The following STIM2 variants were observed in gnomAD, a reference collection of about 807,000 sequenced individuals.
The protein encoded by STIM2 is stromal interaction molecule 2.
A neutral mutation model predicts 85.8 loss-of-function variants in STIM2; 31 were observed. The ratio of observed to expected loss-of-function variants is 0.36; its 90% CI spans 0.27 to 0.49. The LOEUF is 0.49. STIM2 is among the 20% of genes least tolerant of loss of function. STIM2 has a pLI of 0.98. For missense variants in STIM2, 841 were observed against 927.6 expected, an observed-to-expected ratio of 0.91 and a Z score of 1.21; for synonymous variants, 356 against 331.1, an observed-to-expected ratio of 1.08 and a Z score of -0.82.
intron 3 of STIM2, among the ~76,000 whole-genome samples, chr4:26,980,464 GA>G (rs886329745): frequency 2.2e-3 from 307 of 140,648 alleles, no homozygotes; most frequent in African/African-American, 5.3e-3. Flanking sequence ...TAGGAGCCTG[GA>G]AAAAAAAAAA....
intron 1 of STIM2, among the ~76,000 whole-genome samples, chr4:26,875,988 A>G (rs1722803439): frequency 1.3e-5 from 2 of 152,164 alleles, no homozygotes; most frequent in South Asian, 4.1e-4. Context: ...TTGAAAAACC[A>G]TTTTCGCTTG....
chr4:26,991,341 T>C (rs1018535253), intron 3 of STIM2, among the ~76,000 whole-genome samples: 2 of 151,978 alleles, frequency 1.3e-5, no homozygotes, highest in Admixed American at 6.6e-5. Context: ...AAGACAAATA[T>C]CACACGTTCT....
chr4:26,883,092 G>A (rs190387897), intron 1 of STIM2, among the ~76,000 whole-genome samples: 1 of 149,464 alleles, frequency 6.7e-6, no homozygotes. Context: ...CCGGTGATCC[G>A]CCCACCTTGG....
intron 10 of STIM2, among the ~76,000 whole-genome samples, chr4:27,011,945 C>T (rs1226160476): frequency 6.6e-6 from 1 of 152,000 alleles, no homozygotes; most frequent in Non-Finnish European, 1.5e-5. Flanking sequence ...GTTTGCTCTC[C>T]TTAGAGTTTT....
intron 2 of STIM2, among the ~76,000 whole-genome samples, chr4:26,953,641 G>A (rs1444979402): frequency 6.6e-6 from 1 of 152,008 alleles, no homozygotes; most frequent in Admixed American, 6.6e-5. Flanking sequence ...GTGCAAAACA[G>A]GCCTCCCGAG....
chr4:27,022,387 G>T, intron 11 of STIM2, 132 bp from the exon 12 acceptor site: 1 of 699,256 alleles, frequency 1.4e-6, no homozygotes, highest in Non-Finnish European at 2.3e-6. Flanking sequence ...TTGCTGAAAT[G>T]TATATAGAAT....
intron 10 of STIM2, among the ~76,000 whole-genome samples, chr4:27,015,831 C>T (rs766360586): frequency 8.4e-4 from 112 of 132,716 alleles, no homozygotes; most frequent in Non-Finnish European, 1.4e-3. Context: ...TTTCTTGAAT[C>T]TGAAGGATGT....
chr4:26,875,567 A>G (rs555937264), intron 1 of STIM2, among the ~76,000 whole-genome samples: 5 of 152,248 alleles, frequency 3.3e-5, no homozygotes, highest in African/African-American at 1.2e-4. Context: ...CCTCTAATTT[A>G]TCATATAACA....
At chr4:27,018,637 G>A (rs1017910362) in intron 11 of STIM2, among the ~76,000 whole-genome samples, 1 of 152,136 alleles carries the variant, frequency 6.6e-6, no homozygotes, top group Non-Finnish European at 1.5e-5. Context: ...TGTACACCAG[G>A]GGCTGGGAAT....
chr4:26,886,569 G>T (rs1163091960), intron 1 of STIM2, among the ~76,000 whole-genome samples: 4 of 152,186 alleles, frequency 2.6e-5, no homozygotes, highest in Non-Finnish European at 5.9e-5. Context: ...GGAGAGAATG[G>T]CATGTGCATG....
At chr4:26,914,266 T>C (rs1236719809) in intron 1 of STIM2, among the ~76,000 whole-genome samples, 1 of 152,246 alleles carries the variant, frequency 6.6e-6, no homozygotes, top group Non-Finnish European at 1.5e-5. Context: ...CACTTAATTT[T>C]TATATAAGTA....
chr4:26,984,579 G>C (rs1315367829), intron 3 of STIM2, among the ~76,000 whole-genome samples: 1 of 152,172 alleles, frequency 6.6e-6, no homozygotes, highest in Non-Finnish European at 1.5e-5. Flanking sequence ...TGGCCAGGCT[G>C]GTGTCGAACT....
At position 27,022,689 on chromosome 4, in the gene STIM2, ATG is replaced by A. The variant is rs1204052781; in HGVS notation, c.1938_1939del (p.Ser647LeufsTer13). 1.2e-6 allele frequency: 2 copies of A among 1,614,060 alleles called. No homozygotes were observed. The highest frequency in any genetic ancestry group is 2.7e-5 in the African/African-American group (2 of 74,924). ...CGAGGGGATTCGCCTGTAACTGTGG[ATG>A]TGTCTTGGGGTTCTCCCGACTGTGT... On this transcript the variant is annotated frameshift_variant, in exon 12 of 12. Transcript: ENST00000467087. LOFTEE classifies it high-confidence loss of function.
intron 3 of STIM2, among the ~76,000 whole-genome samples, chr4:26,984,472 T>G (rs1727510119): frequency 6.6e-6 from 1 of 152,194 alleles, no homozygotes; most frequent in Non-Finnish European, 1.5e-5. Context: ...GTGATTCTCC[T>G]GCTTCAGCCT....
chr4:27,013,300 A>G (rs1288048812), intron 10 of STIM2, among the ~76,000 whole-genome samples: 1 of 151,904 alleles, frequency 6.6e-6, no homozygotes, highest in African/African-American at 2.4e-5. Flanking sequence ...ATTACAGTAT[A>G]TTATTATAAT....
intron 3 of STIM2, among the ~76,000 whole-genome samples, chr4:26,978,168 C>G (rs1385771427): frequency 6.6e-6 from 1 of 151,344 alleles, no homozygotes; most frequent in East Asian, 1.9e-4. Context: ...AAATGGGACT[C>G]TGATACATGA....
chr4:26,867,511 A>G (rs1253505094), intron 1 of STIM2, among the ~76,000 whole-genome samples: 3 of 152,238 alleles, frequency 2.0e-5, no homozygotes, highest in South Asian at 4.1e-4. Flanking sequence ...TTAGAATTCC[A>G]TGTATAAAAA....
intron 1 of STIM2, among the ~76,000 whole-genome samples, chr4:26,895,040 C>T (rs796276989): frequency 4.6e-5 from 7 of 152,278 alleles, no homozygotes; most frequent in African/African-American, 1.2e-4. Flanking sequence ...GGTGAAACTT[C>T]GTCTCTACTA....
intron 3 of STIM2, among the ~76,000 whole-genome samples, chr4:26,960,067 G>A (rs904967384): frequency 6.6e-6 from 1 of 152,164 alleles, no homozygotes. Flanking sequence ...TCATGTAAGG[G>A]TGGGGTATTG....
Sources: gnomAD v4.1 joint callset for allele counts (sites outside exome capture counted in the v4.1 genomes callset) on GRCh38, gnomAD v4.1.1 for gene constraint, MANE v1.5 for transcripts, NCBI Gene and HGNC (gene_info 2026-07-23, HGNC 2026-07-21) for gene names.